The following SYTL3 variants were observed in gnomAD, a reference collection of about 807,000 sequenced individuals.
The protein encoded by SYTL3 is synaptotagmin like 3.
In SYTL3, 88 loss-of-function variants were observed where a neutral mutation model predicts 82.1. That is an observed-to-expected ratio of 1.07 (90% CI 0.90 to 1.28). The LOEUF (loss-of-function observed/expected upper bound fraction) is 1.28, where lower values mean the gene tolerates loss of function less well. SYTL3 is among the 50% of genes most tolerant of loss of function. SYTL3 has a pLI of 0.00. For synonymous variants in SYTL3, 311 were observed against 289.4 expected, an observed-to-expected ratio of 1.07 and a Z score of -0.76; for missense variants, 831 against 757.6, an observed-to-expected ratio of 1.10 and a Z score of -1.14.
rs188173339 is a variant in SYTL3, at chr6:158,718,198, A to G, written c.707A>G (p.Asn236Ser). The stretch of plus-strand genomic sequence containing the variant: ...CGGAGCCAGTCTGACACTGCGGTCA[A>G]CGTCACCACCAGGGTACCCTGAGCC... ...ERRSQSDTAV[N>S]VTTRKVSAPD... Residue 236 changes from asparagine (N) to serine (S), a missense_variant, in exon 10 of 18, where the codon AAC becomes AGC. Physicochemically the swap from Asn to Ser is conservative, Grantham distance 46. Coordinates refer to ENST00000611299, the MANE Select transcript of SYTL3 (RefSeq NM_001242394.2). 2.5e-5 allele frequency: 39 copies of G among 1,538,122 alleles called. 1 individual carries two copies. In the Admixed American group the frequency reaches 5.6e-4, roughly 22 times the overall value.
chr6:158,723,401 G>A (rs910907848), intron 10 of SYTL3, among the ~76,000 whole-genome samples: 2 of 152,092 alleles, frequency 1.3e-5, no homozygotes, highest in Non-Finnish European at 2.9e-5. Context: ...AAGGCTTTTA[G>A]TTCATGCTGC....
chr6:158,677,373 C>G (rs1458804869), intron 5 of SYTL3, among the ~76,000 whole-genome samples: 1 of 152,058 alleles, frequency 6.6e-6, no homozygotes, highest in East Asian at 1.9e-4. Flanking sequence ...CACATGGACA[C>G]AGGAAGGGGA....
intron 5 of SYTL3, among the ~76,000 whole-genome samples, chr6:158,675,421 C>CT (rs1023904571): frequency 1.3e-5 from 2 of 152,084 alleles, no homozygotes; most frequent in Admixed American, 6.6e-5. Flanking sequence ...AATGATCAGT[C>CT]TTTTTTTTCC....
chr6:158,745,400 T>C (rs571407682), intron 11 of SYTL3, 80 bp from the exon 12 acceptor site: 53 of 1,245,122 alleles, frequency 4.3e-5, no homozygotes, highest in Non-Finnish European at 5.8e-5. Context: ...AGTTTTTATT[T>C]ATGTGCTGTC....
At chr6:158,673,440 A>ATTTTTTTTTTTTTTTTTTTTTTT (rs553781177) in intron 5 of SYTL3, among the ~76,000 whole-genome samples, 1 of 134,506 alleles carries the variant, frequency 7.4e-6, no homozygotes. Flanking sequence ...TGGGAATAGC[A>ATTTTTTTTTTTTTTTTTTTTTTT]TTTTTTTTTT....
chr6:158,707,078 T>C (rs895260509), intron 6 of SYTL3, 152 bp from the exon 7 acceptor site: 2 of 777,754 alleles, frequency 2.6e-6, no homozygotes, highest in Non-Finnish European at 4.1e-6. Flanking sequence ...CACTCTAATT[T>C]TGGAACATTT....
chr6:158,704,315 CGTT>C (rs1583300290), intron 6 of SYTL3, among the ~76,000 whole-genome samples: 1 of 152,240 alleles, frequency 6.6e-6, no homozygotes, highest in South Asian at 2.1e-4. Context: ...CACAGTGCAA[CGTT>C]CCCTCTCCAG....
At chr6:158,680,623 G>A (rs1227592700) in intron 5 of SYTL3, among the ~76,000 whole-genome samples, 6 of 151,040 alleles carry the variant, frequency 4.0e-5, no homozygotes, top group Non-Finnish European at 8.8e-5. Context: ...GTGGTGGCAC[G>A]TGCCTTTAGT....
intron 11 of SYTL3, among the ~76,000 whole-genome samples, chr6:158,739,010 TCC>T (rs930575551): frequency 6.6e-6 from 1 of 152,092 alleles, no homozygotes; most frequent in African/African-American, 2.4e-5. Context: ...ACCTTTCCCC[TCC>T]CACTCACACA....
upstream of SYTL3, among the ~76,000 whole-genome samples, chr6:158,646,985 C>T (rs1031649254): frequency 2.0e-5 from 3 of 152,176 alleles, no homozygotes; most frequent in African/African-American, 7.2e-5. Context: ...AGTTCAGTAG[C>T]TAAGTGTCAC....
In SYTL3 at chr6:158,745,464, T is replaced by C; in HGVS notation, c.856-16T>C. 5 of 1,601,300 alleles carry C rather than the reference T, an allele frequency of 3.1e-6. No individual in the cohort carries two copies. Among genetic ancestry groups the C allele is most frequent in the Non-Finnish European group, 4.3e-6 (5 of 1,175,772 alleles). ...TAACTGAAGTAACTTATTATATCTG[T>C]TATTCTTGATTTCAGGGAAGTTTAA... On this transcript the variant is annotated splice_polypyrimidine_tract_variant and intron_variant, in intron 11 of 17. Transcript: ENST00000611299.
rs545877148 is a variant in SYTL3, at chr6:158,652,777, G to A, written c.-637+935G>A. Among the ~76,000 whole-genome samples, 15 of 150,810 alleles carry A rather than the reference G, an allele frequency of 9.9e-5. No individual in the cohort carries two copies. The South Asian group carries it at 3.2e-3, about 32-fold the overall frequency. On this transcript the variant is annotated intron_variant, in intron 2 of 17. Transcript: ENST00000611299. Reference sequence around the variant, plus strand: ...GGCTGGTCTCAAAACTCCTGACCTCGTGATCCACCCACCTCAGCTTCCCAA... The same window carrying A: ...GGCTGGTCTCAAAACTCCTGACCTCATGATCCACCCACCTCAGCTTCCCAA...
intron 15 of SYTL3, 133 bp downstream of exon 15, chr6:158,760,878 C>G (rs1789826592): frequency 2.8e-6 from 2 of 705,650 alleles, no homozygotes; most frequent in African/African-American, 1.8e-5. Context: ...TCCAGCAGCT[C>G]TTCTTTCTGA....
intron 3 of SYTL3, among the ~76,000 whole-genome samples, chr6:158,661,723 A>G (rs1373392167): frequency 3.3e-5 from 5 of 152,332 alleles, no homozygotes. Flanking sequence ...TAGGCAAGAA[A>G]CCACAGTAGA....
intron 11 of SYTL3, among the ~76,000 whole-genome samples, chr6:158,737,656 A>C (rs555131518): frequency 6.6e-6 from 1 of 152,086 alleles, no homozygotes; most frequent in Non-Finnish European, 1.5e-5. Context: ...GGTTGACTCC[A>C]TTTGCTGCAT....
chr6:158,675,580 G>T (rs532681315), intron 5 of SYTL3, among the ~76,000 whole-genome samples: 1 of 152,144 alleles, frequency 6.6e-6, no homozygotes, highest in African/African-American at 2.4e-5. Context: ...TTGGGAGGCC[G>T]AGGTGGGTGG....
upstream of SYTL3, among the ~76,000 whole-genome samples, chr6:158,648,451 T>C (rs1195231510): frequency 6.7e-6 from 1 of 148,300 alleles, no homozygotes; most frequent in Admixed American, 6.7e-5. Flanking sequence ...ATTAGCTGGG[T>C]GCGGTGGTGG....
At chr6:158,720,066 G>A (rs1463991841) in intron 10 of SYTL3, among the ~76,000 whole-genome samples, 2 of 152,078 alleles carry the variant, frequency 1.3e-5, no homozygotes, top group Non-Finnish European at 2.9e-5. Context: ...TCCAGCCTGG[G>A]TGACAGAGTG....
chr6:158,695,122 C>T (rs1050019078), intron 6 of SYTL3, among the ~76,000 whole-genome samples: 1 of 152,222 alleles, frequency 6.6e-6, no homozygotes, highest in Non-Finnish European at 1.5e-5. Flanking sequence ...CACTCATTCT[C>T]ATATCCATGG....
Sources: gnomAD v4.1 joint callset for allele counts (sites outside exome capture counted in the v4.1 genomes callset) on GRCh38, gnomAD v4.1.1 for gene constraint, MANE v1.5 for transcripts, NCBI Gene and HGNC (gene_info 2026-07-23, HGNC 2026-07-21) for gene names.